The following CCDC148 variants were observed in gnomAD, a reference collection of about 807,000 sequenced individuals.
The protein encoded by CCDC148 is coiled-coil domain-containing protein 148.
Under a neutral mutation model 85.7 loss-of-function variants are expected in CCDC148, and 89 were observed. The observed-to-expected ratio is 1.04, with a 90% CI of 0.87 to 1.24. The LOEUF is 1.24. CCDC148 is among the 50% of genes most tolerant of loss of function. The pLI is 0.00. For synonymous variants in CCDC148, 230 were observed against 213.9 expected (o/e 1.08, Z -0.66); for missense variants, 692 against 671.7 (o/e 1.03, Z -0.33).
intron 11 of CCDC148, among the ~76,000 whole-genome samples, chr2:158,183,421 C>T (rs1359510083): frequency 2.0e-5 from 3 of 152,048 alleles, no homozygotes; most frequent in South Asian, 2.1e-4. Context: ...CAGTGAGAAC[C>T]GGGCAAAATG....
intron 1 of CCDC148, chr2:158,420,261 C>T (rs1180816633): frequency 2.0e-5 from 3 of 152,142 alleles, no homozygotes; most frequent in Admixed American, 2.0e-4. Flanking sequence ...CACAAAGATA[C>T]TCCTCGAGAA....
At chr2:158,185,351 G>A (rs13394890) in intron 11 of CCDC148, among the ~76,000 whole-genome samples, 23,065 of 152,132 alleles carry the variant, frequency 0.15, 2,224 homozygotes, top group Non-Finnish European at 0.21. Context: ...GCTACTGGCC[G>A]ATATTTAAAG....
At chr2:158,434,366 A>G (rs1401431685) in intron 1 of CCDC148, among the ~76,000 whole-genome samples, 2 of 152,202 alleles carry the variant, frequency 1.3e-5, no homozygotes, top group Non-Finnish European at 2.9e-5. Context: ...CAGGGTCTGG[A>G]GTGGACCTCC....
At chr2:158,342,007 C>T (rs1364141566) in intron 3 of CCDC148, among the ~76,000 whole-genome samples, 3 of 122,548 alleles carry the variant, frequency 2.4e-5, no homozygotes, top group Admixed American at 8.5e-5. Context: ...ATTTTATGTA[C>T]GTGTCATTAT....
At position 158,340,250 on chromosome 2, in the gene CCDC148, A is replaced by G; in HGVS notation, c.478T>C (p.Leu160=). 6.2e-7 allele frequency: 1 copy of G among 1,613,770 alleles called. No homozygotes were observed. Among genetic ancestry groups the G allele is most frequent in the Non-Finnish European group, 8.5e-7 (1 of 1,179,866 alleles). The change falls in exon 5 of 14, where the codon TTG becomes CTG. Residue 160 remains leucine, a synonymous_variant. Transcript: ENST00000283233. ...PHIEFNSMKV[L]EEVDFVKKQL... ...AAAGGTAACATACTAACCTCTTCCA[A>G]TACTTTCATGGAGTTAAACTCAATA... is the stretch of plus-strand genomic sequence containing the variant.
intron 11 of CCDC148, among the ~76,000 whole-genome samples, chr2:158,203,578 C>T (rs1686078598): frequency 6.6e-6 from 1 of 151,882 alleles, no homozygotes; most frequent in South Asian, 2.1e-4. Flanking sequence ...ACAATATCCT[C>T]AATGTTAAAA....
At chr2:158,328,685 C>G (rs1363693352) in intron 7 of CCDC148, among the ~76,000 whole-genome samples, 5 of 152,094 alleles carry the variant, frequency 3.3e-5, no homozygotes, top group East Asian at 1.9e-4. Flanking sequence ...GTTGTTTCCT[C>G]ACTTTTTAAT....
chr2:158,217,337 T>TGTATAC (rs1686920348), intron 11 of CCDC148, among the ~76,000 whole-genome samples: 1 of 4,420 alleles, frequency 2.3e-4, no homozygotes, highest in South Asian at 0.25. Flanking sequence ...TAATTTTGTG[T>TGTATAC]ATATATATAT....
intron 2 of CCDC148, among the ~76,000 whole-genome samples, chr2:158,351,249 G>A (rs1683256894): frequency 6.6e-6 from 1 of 152,182 alleles, no homozygotes; most frequent in Admixed American, 6.5e-5. Flanking sequence ...GGCCGAATAG[G>A]AACAGCTCCG....
chr2:158,408,820 G>A (rs1686135432), intron 1 of CCDC148, among the ~76,000 whole-genome samples: 1 of 151,800 alleles, frequency 6.6e-6, no homozygotes. Flanking sequence ...TAATGTCCAG[G>A]GTTCTATTTT....
chr2:158,440,552 C>T (rs1687889312), intron 1 of CCDC148, among the ~76,000 whole-genome samples: 1 of 152,120 alleles, frequency 6.6e-6, no homozygotes, highest in Admixed American at 6.6e-5. Context: ...CCTATATACG[C>T]TGTTTTTTCT....
chr2:158,240,275 CCAACTTTAGAT>C (rs1169548482), intron 10 of CCDC148, among the ~76,000 whole-genome samples: 2 of 151,882 alleles, frequency 1.3e-5, no homozygotes, highest in African/African-American at 4.8e-5. Flanking sequence ...GTGCTATAAG[CCAACTTTAGAT>C]CATCTGAATG....
At chr2:158,230,895 C>G (rs1269897018) in intron 10 of CCDC148, among the ~76,000 whole-genome samples, 2 of 152,128 alleles carry the variant, frequency 1.3e-5, no homozygotes, top group East Asian at 3.9e-4. Context: ...AAAGACTAAT[C>G]AAGGACAATT....
In CCDC148 at chr2:158,340,590, A is replaced by T. The variant is rs1385013406; in HGVS notation, c.334+8T>A. 1.3e-6 allele frequency: 2 copies of T among 1,569,862 alleles called. No homozygotes were observed. Among genetic ancestry groups the T allele is most frequent in the East Asian group, 4.5e-5 (2 of 44,490 alleles). On this transcript the variant is annotated splice_region_variant and intron_variant, in intron 4 of 13. Coordinates refer to ENST00000283233, the MANE Select transcript of CCDC148 (RefSeq NM_138803.4). ...TCCCCTTTAAATATAGGATCAAAAAAATCTTACCAAAATTTGTAAGGTCAC... is the reference window on the plus strand; with the variant it reads ...TCCCCTTTAAATATAGGATCAAAAATATCTTACCAAAATTTGTAAGGTCAC...
At chr2:158,433,278 A>ATATATATAT (rs1193160417) in intron 1 of CCDC148, among the ~76,000 whole-genome samples, 3 of 127,684 alleles carry the variant, frequency 2.3e-5, no homozygotes, top group South Asian at 2.3e-4. Context: ...ATATATATAT[A>ATATATATAT]AAACAAAAGC....
At chr2:158,174,398 C>A (rs1311815512) in intron 13 of CCDC148, among the ~76,000 whole-genome samples, 3 of 152,032 alleles carry the variant, frequency 2.0e-5, no homozygotes, top group Non-Finnish European at 4.4e-5. Flanking sequence ...GACCCCACCA[C>A]CACCACTACT....
At position 158,413,735 on chromosome 2, in the gene CCDC148, T is replaced by C. The variant is rs997584035; in HGVS notation, c.25+42680A>G. Among the ~76,000 whole-genome samples the C allele has an allele frequency of 4.6e-5, 7 of 152,176 alleles. No individual in the cohort carries two copies. The East Asian group carries it at 1.3e-3, about 29-fold the overall frequency. On this transcript the variant is annotated intron_variant, in intron 1 of 13. Coordinates refer to ENST00000283233, the MANE Select transcript of CCDC148 (RefSeq NM_138803.4). ...AATTATTCAACTCAGTTGTGTAGCA[T>C]GAGAGTTGTATAGCCAATGTGTAAT...
At chr2:158,331,997 C>T (rs909843153) in intron 7 of CCDC148, among the ~76,000 whole-genome samples, 7 of 152,058 alleles carry the variant, frequency 4.6e-5, no homozygotes, top group Admixed American at 1.3e-4. Context: ...GAGCATTTAG[C>T]CCATTTACAT....
chr2:158,383,924 T>G (rs1684980857), intron 1 of CCDC148, among the ~76,000 whole-genome samples: 1 of 152,162 alleles, frequency 6.6e-6, no homozygotes, highest in Non-Finnish European at 1.5e-5. Context: ...CGCTGTCACG[T>G]CTCCTTAGTC....
Sources: gnomAD v4.1 joint callset for allele counts (sites outside exome capture counted in the v4.1 genomes callset) on GRCh38, gnomAD v4.1.1 for gene constraint, MANE v1.5 for transcripts, NCBI Gene and HGNC (gene_info 2026-07-23, HGNC 2026-07-21) for gene names.